Variants in KLHL8 observed in about 807,000 individuals in gnomAD.
KLHL8 encodes kelch-like protein 8.
KLHL8 carries 38 observed loss-of-function variants against 63.5 expected under a neutral mutation model. The observed-to-expected ratio is 0.60, with a 90% CI of 0.46 to 0.78. The LOEUF is 0.78. KLHL8 is among the 30% of genes least tolerant of loss of function. The probability of loss-of-function intolerance (pLI) is 0.00; values close to 1 mark genes in which losing one functional copy is unlikely to be tolerated. For missense variants in KLHL8, 566 were observed against 752.4 expected (o/e 0.75, Z 2.90); for synonymous variants, 224 against 254.3 (o/e 0.88, Z 1.13).
intron 1 of KLHL8, among the ~76,000 whole-genome samples, chr4:87,203,942 A>G (rs1239414359): frequency 6.6e-6 from 1 of 152,196 alleles, no homozygotes. Flanking sequence ...TTTCAAACTT[A>G]ACGAAAAACA....
chr4:87,184,968 T>C (rs939201339), intron 3 of KLHL8, among the ~76,000 whole-genome samples: 3 of 152,188 alleles, frequency 2.0e-5, no homozygotes, highest in Non-Finnish European at 4.4e-5. Context: ...TCTATTGGCA[T>C]AAATAAAATA....
At chr4:87,226,127 A>C (rs992878009) in intron 1 of KLHL8, among the ~76,000 whole-genome samples, 3 of 152,224 alleles carry the variant, frequency 2.0e-5, no homozygotes, top group Non-Finnish European at 2.9e-5. Context: ...TTTTTGAAAC[A>C]TGTGCCACAT....
intron 1 of KLHL8, among the ~76,000 whole-genome samples, chr4:87,202,247 C>T (rs1054191980): frequency 1.3e-5 from 2 of 151,780 alleles, no homozygotes; most frequent in African/African-American, 2.4e-5. Context: ...AAATAAAAAA[C>T]AATAGATAAA....
chr4:87,178,786 C>T (rs1278827667), intron 4 of KLHL8, among the ~76,000 whole-genome samples, 166 bp from the exon 5 acceptor site: 1 of 152,154 alleles, frequency 6.6e-6, no homozygotes, highest in Admixed American at 6.5e-5. Context: ...CTTGTCCCCT[C>T]AAAGAATAGG....
rs1442944303 is a variant in KLHL8 at position 87,163,969 on chromosome 4, C to T, written c.1648G>A (p.Ala550Thr). The change falls in exon 9 of 10, where the codon GCA becomes ACA. Residue 550 changes from alanine (A) to threonine (T), a missense_variant. Coordinates refer to ENST00000273963, the MANE Select transcript of KLHL8 (RefSeq NM_020803.5). ...GCAAAGATTTTGCCCATCACTGTTG[C>T]GATTCCCACTCCACCTCTGGGAGTA... is the stretch of plus-strand genomic sequence containing the variant. ...LTTPRGGVGI[A>T]TVMGKIFAVG... is the part of the protein sequence containing the mutation. 1.3e-5 allele frequency: 21 copies of T among 1,614,050 alleles called. No homozygotes were observed. The highest frequency in any genetic ancestry group is 3.3e-5 in the South Asian group (3 of 91,084).
Position 87,160,613 on chromosome 4 carries a change from CAATT to C in KLHL8, c.*2902_*2905del, listed in dbSNP as rs1294196877. Reference sequence around the variant, plus strand: ...TTTATTCAAACATTTTAGAAATAATCAATTAATTACATAAGTATATAGTGAAATC... The same window carrying C: ...TTTATTCAAACATTTTAGAAATAATCAATTACATAAGTATATAGTGAAATC... On this transcript the variant is annotated 3_prime_UTR_variant, in exon 10 of 10. Coordinates refer to ENST00000273963, the MANE Select transcript of KLHL8 (RefSeq NM_020803.5). 6.6e-6 allele frequency: 1 copy of C among 151,896 alleles called. No individual in the cohort carries two copies. The highest frequency in any genetic ancestry group is 6.5e-5 in the Admixed American group (1 of 15,280). The allele number at this position is 151,896 out of a possible 1,614,324, so 9.4% of individuals were successfully genotyped here. A position where few individuals can be genotyped will look rare whatever the true frequency, so the allele number is the denominator to read the frequency against.
At position 87,226,687 on chromosome 4, in the gene KLHL8, T is replaced by TATATATTATTTATATATA. The variant is rs1732993786; in HGVS notation, n.58-5298_58-5297insTATATATAAATAATATAT. ...TATAATATATATTATTTATATATAA[T>TATATATTATTTATATATA]ATATATATTATTTATATATAATATA... is the stretch of plus-strand genomic sequence containing the variant. On this transcript the variant is annotated intron_variant and non_coding_transcript_variant, in intron 1 of 1. Coordinates refer to the KLHL8 transcript ENST00000506274. 2.2e-3 allele frequency among the ~76,000 whole-genome samples: 4 copies of TATATATTATTTATATATA among 1,784 alleles called. 2 individuals carry two copies. In the African/African-American group the frequency reaches 0.023, roughly 10 times the overall value. The allele number at this position is 1,784 out of a possible 152,430, so 1.2% of individuals were successfully genotyped here. A position where few individuals can be genotyped will look rare whatever the true frequency, so the allele number is the denominator to read the frequency against.
upstream of KLHL8, among the ~76,000 whole-genome samples, chr4:87,224,220 G>C (rs796327705): frequency 5.3e-5 from 8 of 152,176 alleles, no homozygotes; most frequent in African/African-American, 1.4e-4. Flanking sequence ...AAAGTGCTGG[G>C]ATTACAAGCA....
chr4:87,240,479 A>G (rs182653729), upstream of KLHL8, among the ~76,000 whole-genome samples: 11 of 152,270 alleles, frequency 7.2e-5, no homozygotes, highest in East Asian at 2.1e-3. Context: ...CAAGGTCCTC[A>G]TTACAGCATG....
chr4:87,189,308 T>C (rs1168307893), intron 2 of KLHL8, among the ~76,000 whole-genome samples: 1 of 152,194 alleles, frequency 6.6e-6, no homozygotes, highest in African/African-American at 2.4e-5. Flanking sequence ...TAGGCCAAGT[T>C]TAAAATACAT....
chr4:87,206,186 T>C (rs1046392311), intron 1 of KLHL8, among the ~76,000 whole-genome samples: 13 of 152,166 alleles, frequency 8.5e-5, no homozygotes, highest in African/African-American at 3.1e-4. Context: ...TTGAACTCTA[T>C]TCTCTCTCAT....
At position 87,226,610 on chromosome 4, in the gene KLHL8, TTTATATAAATAATATATATTAC is replaced by T. The variant is rs1268149880; in HGVS notation, n.58-5242_58-5221del. 2.3e-4 allele frequency among the ~76,000 whole-genome samples: 12 copies of T among 52,580 alleles called. 1 individual carries two copies. The highest frequency in any genetic ancestry group is 3.0e-4 in the Non-Finnish European group (10 of 33,062). 34.5% of individuals were successfully genotyped at this position (52,580 alleles called of 152,430 possible). ...ATATATATAAATAATATATATATTA[TTTATATAAATAATATATATTAC>T]TTATATAAATAATATATATATTACT... On this transcript the variant is annotated intron_variant and non_coding_transcript_variant, in intron 1 of 1. Coordinates refer to the KLHL8 transcript ENST00000506274.
At chr4:87,176,937 T>TA (rs1730845028) in intron 5 of KLHL8, 69 bp from the exon 6 acceptor site, 2 of 729,218 alleles carry the variant, frequency 2.7e-6, no homozygotes, top group Non-Finnish European at 4.6e-6. Flanking sequence ...GTTACATATA[T>TA]AAACATTATA....
At position 87,187,207 on chromosome 4, in the gene KLHL8, G is replaced by A. The variant is rs1039168452; in HGVS notation, c.217-1408C>T. 2.6e-5 allele frequency among the ~76,000 whole-genome samples: 4 copies of A among 152,104 alleles called. No homozygotes were observed. In the East Asian group the frequency reaches 7.7e-4, roughly 29 times the overall value. Reference sequence around the variant, plus strand: ...ACTGTCCATTTCTGAGCTTCTTACAGTATTTGCACCATATCTTGAGTGTTG... The same window carrying A: ...ACTGTCCATTTCTGAGCTTCTTACAATATTTGCACCATATCTTGAGTGTTG... On this transcript the variant is annotated intron_variant, in intron 2 of 9. Coordinates refer to ENST00000273963, the MANE Select transcript of KLHL8 (RefSeq NM_020803.5).
At chr4:87,214,459 T>TATATATATAA (rs1191224013) in intron 1 of KLHL8, among the ~76,000 whole-genome samples, 1 of 129,058 alleles carries the variant, frequency 7.7e-6, no homozygotes, top group African/African-American at 2.8e-5. Flanking sequence ...TATATATATA[T>TATATATATAA]AATTGTCATC....
chr4:87,176,905 C>A lies in KLHL8; in HGVS notation c.1097-37G>T, dbSNP rs747593950. ...AGAAGTATTTTCATTTGACTCCAAACAAATAAATTCATATCATTAATGTTA... is the reference window on the plus strand; with the variant it reads ...AGAAGTATTTTCATTTGACTCCAAAAAAATAAATTCATATCATTAATGTTA... On this transcript the variant is annotated intron_variant, in intron 5 of 9. Transcript: ENST00000273963. 2.9e-5 allele frequency: 29 copies of A among 997,062 alleles called. No homozygotes were observed. The African/African-American group carries it at 4.4e-4, about 15-fold the overall frequency. 61.8% of individuals were successfully genotyped at this position (997,062 alleles called of 1,614,324 possible).
intron 1 of KLHL8, among the ~76,000 whole-genome samples, chr4:87,234,035 T>C (rs1733182827): frequency 6.6e-6 from 1 of 152,210 alleles, no homozygotes; most frequent in South Asian, 2.1e-4. Context: ...TAGAGTAGAA[T>C]GAGTTCTGGG....
upstream of KLHL8, among the ~76,000 whole-genome samples, chr4:87,224,054 C>T (rs1732929452): frequency 6.6e-6 from 1 of 151,964 alleles, no homozygotes; most frequent in African/African-American, 2.4e-5. Context: ...CCCCAATCAA[C>T]ATTTGCATTT....
Position 87,209,316 on chromosome 4 carries a change from C to T in KLHL8, c.-152+11102G>A, listed in dbSNP as rs145864464. ...AAAAAAATGGACATCCGTGGCACAT[C>T]ATTGTCATAACATGCTACAGATGTC... On this transcript the variant is annotated intron_variant, in intron 1 of 9. Transcript: ENST00000273963. 6.7e-3 allele frequency among the ~76,000 whole-genome samples: 1,014 copies of T among 152,222 alleles called. 14 individuals are homozygous for T. The highest frequency in any genetic ancestry group is 0.024 in the African/African-American group (980 of 41,544).
Sources: allele counts gnomAD v4.1 joint callset (sites outside exome capture counted in the v4.1 genomes callset), GRCh38; gene constraint gnomAD v4.1.1; transcripts MANE v1.5; gene names NCBI Gene and HGNC (gene_info 2026-07-23, HGNC 2026-07-21).